Variants in PARD3B observed in about 807,000 individuals in gnomAD.
The protein encoded by PARD3B is par-3 family cell polarity regulator beta.
A neutral mutation model predicts 130.2 loss-of-function variants in PARD3B; 103 were observed. The observed-to-expected ratio is 0.79, with a 90% CI of 0.67 to 0.93. The LOEUF (loss-of-function observed/expected upper bound fraction) is 0.93. PARD3B is among the 40% of genes least tolerant of loss of function. The pLI, the probability that PARD3B is intolerant of heterozygous loss-of-function variation, is 0.00. For synonymous variants in PARD3B, 583 were observed against 553.2 expected, an observed-to-expected ratio of 1.05 and a Z score of -0.76; for missense variants, 1,609 against 1,499.2, an observed-to-expected ratio of 1.07 and a Z score of -1.21.
At position 204,677,176 on chromosome 2, in the gene PARD3B, T is replaced by G. The variant is rs565508510; in HGVS notation, c.121-9005T>G. On this transcript the variant is annotated intron_variant, in intron 1 of 22. Coordinates refer to ENST00000406610, the MANE Select transcript of PARD3B (RefSeq NM_001302769.2). This position sits in a 1 kb window ranked among gnomAD's most constrained non-coding sequence, Gnocchi z 4.1. The stretch of plus-strand genomic sequence containing the variant: ...ATGTACTTATTTACGGAGGTCTAAG[T>G]GTTTAAGGTAAAACTTTTACATAAA... 2.0e-5 allele frequency among the ~76,000 whole-genome samples: 3 copies of G among 152,318 alleles called. No homozygotes were observed. In the East Asian group the frequency reaches 5.8e-4, roughly 29 times the overall value.
rs1691325922 is a variant in PARD3B at position 204,967,140 on chromosome 2, A to G, written c.394+1817A>G. 6.6e-6 allele frequency among the ~76,000 whole-genome samples: 1 copy of G among 152,170 alleles called. No individual in the cohort carries two copies. Among genetic ancestry groups the G allele is most frequent in the African/African-American group, 2.4e-5 (1 of 41,450 alleles). ...TATATGCCAAAACCCTGAAAATACT[A>G]AACTCCTTGGTCTACAATCTCATTT... On this transcript the variant is annotated intron_variant, in intron 3 of 22. Coordinates refer to ENST00000406610, the MANE Select transcript of PARD3B (RefSeq NM_001302769.2). The surrounding 1 kb of genome is among the most constrained non-coding windows in gnomAD (Gnocchi z 4.4).
chr2:205,618,509 G>T lies in PARD3B; in HGVS notation c.*2696G>T, dbSNP rs1039849641. ...TATGGCCTTGGGAAAACTCAATCCG[G>T]TGTCTCCTTGTAGCTCAGAACACTA... On this transcript the variant is annotated 3_prime_UTR_variant, in exon 23 of 23. Coordinates refer to ENST00000406610, the MANE Select transcript of PARD3B (RefSeq NM_001302769.2). 6.6e-6 allele frequency: 1 copy of T among 152,194 alleles called. No individual in the cohort carries two copies. Among genetic ancestry groups the T allele is most frequent in the African/African-American group, 2.4e-5 (1 of 41,452 alleles). The allele number at this position is 152,194 out of a possible 1,614,324, so 9.4% of individuals were successfully genotyped here.
intron 1 of PARD3B, among the ~76,000 whole-genome samples, chr2:204,625,187 A>G (rs937459706): frequency 6.6e-6 from 1 of 151,818 alleles, no homozygotes; most frequent in Admixed American, 6.6e-5. Context: ...ATTTTTATTT[A>G]TTTAAGGTAG....
At chr2:205,444,661 AAAG>A (rs2047843271) in intron 20 of PARD3B, among the ~76,000 whole-genome samples, 2 of 152,202 alleles carry the variant, frequency 1.3e-5, no homozygotes, top group Admixed American at 6.5e-5. Flanking sequence ...GATGGCAGAC[AAAG>A]AAGAAGATGG....
intron 20 of PARD3B, among the ~76,000 whole-genome samples, chr2:205,452,890 T>C (rs1198886833): frequency 6.6e-6 from 1 of 152,192 alleles, no homozygotes; most frequent in Non-Finnish European, 1.5e-5. Flanking sequence ...TAAATGGGCA[T>C]GTTTGAGGAA....
Position 205,615,803 on chromosome 2 carries a change from C to T in PARD3B, c.3608C>T (p.Ala1203Val). Reference protein sequence around the residue: ...QDSRQKNPMTAAV With the variant: ...QDSRQKNPMTVAV ...TCCCGGCAGAAGAACCCCATGACTG[C>T]AGCCGTATAGCTGAGTGCCACCGAG... Residue 1203 changes from alanine (A) to valine (V), a missense_variant, in exon 23 of 23, where the codon GCA becomes GTA. Coordinates refer to ENST00000406610, the MANE Select transcript of PARD3B (RefSeq NM_001302769.2). The T allele has an allele frequency of 6.2e-7, 1 of 1,612,926 alleles. No homozygotes were observed. Among genetic ancestry groups the T allele is most frequent in the Admixed American group, 1.7e-5 (1 of 59,930 alleles).
chr2:204,615,918 A>T (rs2034095040), intron 1 of PARD3B, among the ~76,000 whole-genome samples: 1 of 152,200 alleles, frequency 6.6e-6, no homozygotes, highest in Non-Finnish European at 1.5e-5. Flanking sequence ...TAATAAAGTA[A>T]GTTTTACTGC....
intron 15 of PARD3B, among the ~76,000 whole-genome samples, chr2:205,206,529 C>A (rs1021071220): frequency 6.6e-6 from 1 of 151,182 alleles, no homozygotes; most frequent in Non-Finnish European, 1.5e-5. Context: ...ATCCATGTCC[C>A]TACAAAGGAC....
chr2:205,474,499 T>C (rs544091192), intron 20 of PARD3B, among the ~76,000 whole-genome samples: 1 of 152,312 alleles, frequency 6.6e-6, no homozygotes, highest in East Asian at 1.9e-4. Flanking sequence ...TTAATCTCTT[T>C]GAAACCATCG....
rs192083822 is a variant in PARD3B, at chr2:205,363,445, A to G, written c.2631-37568A>G. Among the ~76,000 whole-genome samples the G allele has an allele frequency of 1.9e-4, 29 of 152,336 alleles. No homozygotes were observed. In the East Asian group the frequency reaches 5.6e-3, roughly 29 times the overall value. ...TAAGATAAAGGTCAACAAATTGACT[A>G]AGACATACGAAGCATTTAGTATAGT... is the stretch of plus-strand genomic sequence containing the variant. On this transcript the variant is annotated intron_variant, in intron 18 of 22. Coordinates refer to ENST00000406610, the MANE Select transcript of PARD3B (RefSeq NM_001302769.2).
At chr2:204,922,622 G>A (rs1321217519) in intron 2 of PARD3B, among the ~76,000 whole-genome samples, 3 of 151,950 alleles carry the variant, frequency 2.0e-5, no homozygotes, top group African/African-American at 4.8e-5. Flanking sequence ...TGGTGGTAAG[G>A]GAAGTAGGAA....
At chr2:204,915,628 A>C (rs973742231) in intron 2 of PARD3B, among the ~76,000 whole-genome samples, 3 of 152,206 alleles carry the variant, frequency 2.0e-5, no homozygotes, top group Non-Finnish European at 4.4e-5. Context: ...GTAAACATAA[A>C]GATATTTTAG....
chr2:205,252,014 C>G (rs1418568176), intron 16 of PARD3B, among the ~76,000 whole-genome samples: 1 of 152,110 alleles, frequency 6.6e-6, no homozygotes, highest in East Asian at 1.9e-4. Flanking sequence ...TAGCGTTCTT[C>G]CTATACAAAG....
rs561726479 is a variant in PARD3B at position 205,461,878 on chromosome 2, A to C, written c.3044+21206A>C. 1.1e-4 allele frequency among the ~76,000 whole-genome samples: 17 copies of C among 152,282 alleles called. No homozygotes were observed. Among genetic ancestry groups the C allele is most frequent in the African/African-American group, 3.6e-4 (15 of 41,574 alleles). ...TTCTTTCAGCAGTTTAATAGTCATC[A>C]TCAGTTCCTTAACTGAAAGAGAAAT... is the stretch of plus-strand genomic sequence containing the variant. On this transcript the variant is annotated intron_variant, in intron 20 of 22. Coordinates refer to ENST00000406610, the MANE Select transcript of PARD3B (RefSeq NM_001302769.2). This position sits in a 1 kb window ranked among gnomAD's most constrained non-coding sequence, Gnocchi z 4.3.
chr2:205,012,154 C>T (rs978133925), intron 3 of PARD3B, among the ~76,000 whole-genome samples: 1 of 152,146 alleles, frequency 6.6e-6, no homozygotes, highest in Non-Finnish European at 1.5e-5. Flanking sequence ...TACCACTGAT[C>T]CTGGTCCTTA....
In PARD3B at chr2:205,158,474, G is replaced by A. The variant is rs2034313262; in HGVS notation, c.1435-248G>A. 6.6e-6 allele frequency among the ~76,000 whole-genome samples: 1 copy of A among 152,102 alleles called. No individual in the cohort carries two copies. Among genetic ancestry groups the A allele is most frequent in the African/African-American group, 2.4e-5 (1 of 41,422 alleles). On this transcript the variant is annotated intron_variant, in intron 10 of 22. Transcript: ENST00000406610. The surrounding 1 kb of genome is among the most constrained non-coding windows in gnomAD (Gnocchi z 5.4). ...GTTTCAGATTGCATCGCTCTGACTT[G>A]CCAAACGATCCTCTCTATTGACCAT...
At chr2:205,534,536 T>C (rs189017792) in intron 21 of PARD3B, among the ~76,000 whole-genome samples, 143 of 152,162 alleles carry the variant, frequency 9.4e-4, no homozygotes, top group Middle Eastern at 3.4e-3. Context: ...TGGCATGATC[T>C]CAGCTCACTG....
At chr2:204,703,809 T>C (rs997392167) in intron 2 of PARD3B, among the ~76,000 whole-genome samples, 5 of 152,174 alleles carry the variant, frequency 3.3e-5, no homozygotes, top group Admixed American at 1.3e-4. Flanking sequence ...TGTTATTGTA[T>C]AATTTATAAA....
chr2:205,533,471 C>T (rs2051693807), intron 21 of PARD3B, among the ~76,000 whole-genome samples: 1 of 152,176 alleles, frequency 6.6e-6, no homozygotes, highest in East Asian at 1.9e-4. Flanking sequence ...AAATAAAAAT[C>T]CATTTTCTTA....
Sources: gnomAD v4.1 joint callset for allele counts (sites outside exome capture counted in the v4.1 genomes callset) on GRCh38, gnomAD v4.1.1 for gene constraint, Gnocchi (gnomAD v3.1) non-coding constraint, MANE v1.5 for transcripts, NCBI Gene and HGNC (gene_info 2026-07-23, HGNC 2026-07-21) for gene names.